The following AOX1 variants were observed in gnomAD, a reference collection of about 807,000 sequenced individuals.
AOX1 encodes the protein aldehyde oxidase 1.
Under a neutral mutation model 169.5 loss-of-function variants are expected in AOX1, and 153 were observed. That is an observed-to-expected ratio of 0.90 (90% CI 0.79 to 1.03). The LOEUF (loss-of-function observed/expected upper bound fraction) is 1.03, where lower values mean the gene tolerates loss of function less well. AOX1 is among the 50% of genes least tolerant of loss of function. The pLI is 0.00. For synonymous variants in AOX1, 562 were observed against 581.9 expected, an observed-to-expected ratio of 0.97 and a Z score of 0.49; for missense variants, 1,656 against 1,663.9, an observed-to-expected ratio of 1.00 and a Z score of 0.08.
In AOX1 at chr2:200,659,307, C is replaced by T; in HGVS notation, c.3300+14C>T. On this transcript the variant is annotated intron_variant, in intron 28 of 34. Coordinates refer to ENST00000374700, the MANE Select transcript of AOX1 (RefSeq NM_001159.4). ...TTGGCAGTAAAGGTAACAGTCACTGCAGTGGCGTCCAAATCATTAACTCCC... is the reference window on the plus strand; with the variant it reads ...TTGGCAGTAAAGGTAACAGTCACTGTAGTGGCGTCCAAATCATTAACTCCC... 2 of 1,608,088 alleles carry T rather than the reference C, an allele frequency of 1.2e-6. No homozygotes were observed. Among genetic ancestry groups the T allele is most frequent in the Non-Finnish European group, 1.7e-6 (2 of 1,177,158 alleles).
intron 26 of AOX1, among the ~76,000 whole-genome samples, chr2:200,654,282 C>A (rs1474970350): frequency 1.3e-5 from 2 of 150,996 alleles, no homozygotes; most frequent in African/African-American, 4.9e-5. Context: ...GCAACCACCA[C>A]CCTGGTTAGT....
chr2:200,607,540 G>A lies in AOX1; in HGVS notation c.908-1444G>A, dbSNP rs140949441. 1.0e-3 allele frequency among the ~76,000 whole-genome samples: 152 copies of A among 152,230 alleles called. 1 individual carries two copies. The East Asian group carries it at 0.023, about 23-fold the overall frequency. ...GGTAGGGGTGTAAATTAATTCAACC[G>A]TTGTGGAAGACAGTGTGGTGATTCC... On this transcript the variant is annotated intron_variant, in intron 10 of 34. Coordinates refer to ENST00000374700, the MANE Select transcript of AOX1 (RefSeq NM_001159.4).
At chr2:200,648,935 T>C (rs2035521682) in intron 25 of AOX1, among the ~76,000 whole-genome samples, 1 of 152,074 alleles carries the variant, frequency 6.6e-6, no homozygotes, top group Non-Finnish European at 1.5e-5. Flanking sequence ...TCACTCCCAA[T>C]GTGTACCCCC....
rs6761375 is a variant in AOX1 at position 200,621,107 on chromosome 2, G to A, written c.1875-13G>A. ...TGGCCACTCTAAGGAGCTCTGCTGT[G>A]TATATCATCTAGGTCTATTGATCTG... On this transcript the variant is annotated splice_polypyrimidine_tract_variant and intron_variant, in intron 17 of 34. Coordinates refer to ENST00000374700, the MANE Select transcript of AOX1 (RefSeq NM_001159.4). The A allele has an allele frequency of 0.15, 237,095 of 1,608,948 alleles. 18,705 individuals carry two copies. The highest frequency in any genetic ancestry group is 0.25 in the South Asian group (22,252 of 89,734).
In AOX1 at chr2:200,612,724, G is replaced by A. The variant is rs759139777; in HGVS notation, c.1379G>A (p.Cys460Tyr). The change falls in exon 14 of 35, where the codon TGC becomes TAC. Residue 460 changes from cysteine (C) to tyrosine (Y), a missense_variant. Cys to Tyr is a radical substitution (Grantham distance 194). Coordinates refer to ENST00000374700, the MANE Select transcript of AOX1 (RefSeq NM_001159.4). ...GEGDGIIREL[C>Y]ISYGGVGPAT... Reference sequence around the variant, plus strand: ...GGGGATGGCATTATTAGAGAGTTATGCATCTCATATGGAGGCGTTGGTCCA... The same window carrying A: ...GGGGATGGCATTATTAGAGAGTTATACATCTCATATGGAGGCGTTGGTCCA... The A allele has an allele frequency of 3.1e-6, 5 of 1,614,054 alleles. No individual in the cohort carries two copies. The East Asian group carries it at 1.1e-4, about 36-fold the overall frequency.
At chr2:200,638,956 C>T (rs926461401) in intron 23 of AOX1, among the ~76,000 whole-genome samples, 1 of 152,178 alleles carries the variant, frequency 6.6e-6, no homozygotes, top group Non-Finnish European at 1.5e-5. Flanking sequence ...TTTATAAAAT[C>T]ATTCAGGGAC....
Position 200,597,499 on chromosome 2 carries a change from T to C in AOX1, c.303T>C (p.Pro101=). 1 of 1,606,850 alleles carries C rather than the reference T, an allele frequency of 6.2e-7. No individual in the cohort carries two copies. The highest frequency in any genetic ancestry group is 8.5e-7 in the Non-Finnish European group (1 of 1,174,756). The change falls in exon 4 of 35, where the codon CCT becomes CCC. Residue 101 remains proline (P), a synonymous_variant. Transcript: ENST00000374700. ...GAAGCACCCACACCAGAATTCATCC[T>C]GTTCAGGTGAGGATGTGCCTCTTCC... ...GIGSTHTRIH[P]VQERIAKCHG... is the part of the protein sequence containing the mutation.
intron 5 of AOX1, 34 bp downstream of exon 5, chr2:200,599,780 TTTTA>T (rs746263035): frequency 4.6e-5 from 64 of 1,387,146 alleles, no homozygotes; most frequent in Middle Eastern, 2.7e-4. Flanking sequence ...ATTTTTTAAT[TTTTA>T]TTTATTTATT....
chr2:200,669,777 T>G, intron 34 of AOX1, 35 bp downstream of exon 34: 1 of 1,599,308 alleles, frequency 6.3e-7, no homozygotes, highest in Non-Finnish European at 8.5e-7. Context: ...ATAGTGATCA[T>G]AAAATTCTGA....
intron 32 of AOX1, 134 bp from the exon 33 acceptor site, chr2:200,668,481 A>T: frequency 1.3e-6 from 1 of 755,452 alleles, no homozygotes; most frequent in African/African-American, 1.8e-5. Context: ...TTTCAGCAAC[A>T]TGCTCCAAGA....
At chr2:200,627,942 T>C (rs1225833464) in intron 20 of AOX1, among the ~76,000 whole-genome samples, 1 of 152,142 alleles carries the variant, frequency 6.6e-6, no homozygotes, top group Non-Finnish European at 1.5e-5. Flanking sequence ...CTTTCTTCCT[T>C]CTCTGCTTTT....
At chr2:200,672,116 A>C (rs1354045189), downstream of AOX1, among the ~76,000 whole-genome samples, 1 of 152,246 alleles carries the variant, frequency 6.6e-6, no homozygotes, top group Non-Finnish European at 1.5e-5. Flanking sequence ...GACACAAAGT[A>C]GATTAATGGC....
rs1000884733 is a variant in AOX1, at chr2:200,620,751, C to T, written c.1806C>T (p.Asp602=). ...HATGEAIYCD[D]MPLVDQELFL... The stretch of plus-strand genomic sequence containing the variant: ...CGGGGGAGGCCATCTACTGTGATGA[C>T]ATGCCTCTGGTGGACCAGGAACTTT... The change falls in exon 17 of 35, where the codon GAC becomes GAT. Residue 602 remains aspartate, a synonymous_variant. Coordinates refer to ENST00000374700, the MANE Select transcript of AOX1 (RefSeq NM_001159.4). 6.2e-7 allele frequency: 1 copy of T among 1,609,212 alleles called. No homozygotes were observed. The highest frequency in any genetic ancestry group is 1.3e-5 in the African/African-American group (1 of 74,680).
rs2105779004 is a variant in AOX1, at chr2:200,669,601, G to T, written c.3825G>T (p.Leu1275=). 1 of 1,614,010 alleles carries T rather than the reference G, an allele frequency of 6.2e-7. No individual in the cohort carries two copies. Among genetic ancestry groups the T allele is most frequent in the African/African-American group, 1.3e-5 (1 of 74,968 alleles). Residue 1275 remains leucine (L), a synonymous_variant, in exon 34 of 35, where the codon CTG becomes CTT. Transcript: ENST00000374700. ...SKGLGESGVF[L]GCSVFFAIHD... Reference sequence around the variant, plus strand: ...GTCTGGGAGAGTCGGGGGTGTTCCTGGGGTGTTCCGTGTTTTTCGCTATCC... The same window carrying T: ...GTCTGGGAGAGTCGGGGGTGTTCCTTGGGTGTTCCGTGTTTTTCGCTATCC...
chr2:200,659,661 G>T (rs2035774217), intron 28 of AOX1, among the ~76,000 whole-genome samples: 1 of 152,112 alleles, frequency 6.6e-6, no homozygotes, highest in Non-Finnish European at 1.5e-5. Flanking sequence ...TCTGCTGCCG[G>T]AGTGAATTTT....
chr2:200,637,434 C>A (rs932595781), intron 22 of AOX1, among the ~76,000 whole-genome samples: 11 of 151,846 alleles, frequency 7.2e-5, no homozygotes, highest in Non-Finnish European at 1.5e-4. Context: ...AAACCATGTA[C>A]CTATATATAC....
chr2:200,619,461 G>T (rs545812942), intron 16 of AOX1, among the ~76,000 whole-genome samples: 29 of 152,228 alleles, frequency 1.9e-4, no homozygotes, highest in African/African-American at 7.0e-4. Flanking sequence ...ACAGATGGGG[G>T]TACCCACCAG....
At chr2:200,646,119 C>G (rs1298269199) in intron 25 of AOX1, among the ~76,000 whole-genome samples, 1 of 151,956 alleles carries the variant, frequency 6.6e-6, no homozygotes, top group Non-Finnish European at 1.5e-5. Context: ...TTGGTTTGCT[C>G]TTATTTCTTT....
intron 6 of AOX1, 85 bp downstream of exon 6, chr2:200,602,430 A>C: frequency 8.6e-7 from 1 of 1,168,762 alleles, no homozygotes; most frequent in Non-Finnish European, 1.3e-6. Context: ...GGGGGCAGCC[A>C]TCTTACTAAT....
Sources: gnomAD v4.1 joint callset for allele counts (sites outside exome capture counted in the v4.1 genomes callset) on GRCh38, gnomAD v4.1.1 for gene constraint, MANE v1.5 for transcripts, NCBI Gene and HGNC (gene_info 2026-07-23, HGNC 2026-07-21) for gene names.